The following C4orf36 variants were observed in gnomAD, a reference collection of about 807,000 sequenced individuals.
The protein encoded by C4orf36 is chromosome 4 open reading frame 36, also known as uncharacterized protein C4orf36.
Under a neutral mutation model 12.2 loss-of-function variants are expected in C4orf36, and 11 were observed. The observed-to-expected ratio is 0.90, with a 90% CI of 0.57 to 1.49. C4orf36 has a LOEUF of 1.49. Among genes scored for constraint, C4orf36 ranks in the 40% most tolerant of loss-of-function variants. The pLI is 0.00. For missense variants in C4orf36, 137 were observed against 133.9 expected, an observed-to-expected ratio of 1.02 and a Z score of -0.11; for synonymous variants, 54 against 51.3, an observed-to-expected ratio of 1.05 and a Z score of -0.22.
chr4:86,936,029 C>T, the C4orf36 span: 1 of 152,102 alleles, frequency 6.6e-6, no homozygotes, highest in East Asian at 1.9e-4. Context: ...TGCGACGGGC[C>T]TGCGGGCGGT....
At chr4:86,903,311 A>G in the C4orf36 span, among the ~76,000 whole-genome samples, 35 of 152,226 alleles carry the variant, frequency 2.3e-4, no homozygotes, top group Admixed American at 2.3e-3. Flanking sequence ...AGAGATCGAG[A>G]CCATCCTGGA....
At chr4:86,891,642 T>G (rs1353897072) in intron 1 of C4orf36, 49 bp from the exon 2 acceptor site, 1 of 1,487,776 alleles carries the variant, frequency 6.7e-7, no homozygotes, top group Non-Finnish European at 9.0e-7. Flanking sequence ...GTGAATATTT[T>G]GTAGCCAAAT....
At chr4:86,889,039 G>A (rs1052034587) in intron 2 of C4orf36, among the ~76,000 whole-genome samples, 2 of 152,116 alleles carry the variant, frequency 1.3e-5, no homozygotes, top group African/African-American at 4.8e-5. Context: ...AGTGTCATTC[G>A]TTTAAACAAA....
At chr4:86,891,792 C>T (rs1747426888) in intron 1 of C4orf36, among the ~76,000 whole-genome samples, 199 bp from the exon 2 acceptor site, 1 of 152,134 alleles carries the variant, frequency 6.6e-6, no homozygotes, top group Non-Finnish European at 1.5e-5. Flanking sequence ...GAGAAAATGC[C>T]AGGTAAGTTT....
chr4:86,877,132 T>C (rs970142847), intron 4 of C4orf36, among the ~76,000 whole-genome samples: 2 of 152,178 alleles, frequency 1.3e-5, no homozygotes, highest in African/African-American at 4.8e-5. Flanking sequence ...GTCCAAAACA[T>C]ATGTTGATAC....
the C4orf36 span, among the ~76,000 whole-genome samples, chr4:86,903,225 G>A: frequency 1.3e-5 from 2 of 152,330 alleles, no homozygotes; most frequent in Admixed American, 6.5e-5. Context: ...TGTTGTAAGT[G>A]GCCAGGCCCG....
chr4:86,877,113 CTT>C (rs914210452), intron 4 of C4orf36, among the ~76,000 whole-genome samples: 1 of 152,126 alleles, frequency 6.6e-6, no homozygotes, highest in African/African-American at 2.4e-5. Flanking sequence ...CAGCATGAAT[CTT>C]TTCACAGTCC....
At chr4:86,898,978 C>G in the C4orf36 span, among the ~76,000 whole-genome samples, 1 of 152,116 alleles carries the variant, frequency 6.6e-6, no homozygotes, top group Non-Finnish European at 1.5e-5. Flanking sequence ...GTAATCCCAG[C>G]ACTTTGGGAG....
the C4orf36 span, among the ~76,000 whole-genome samples, chr4:86,922,357 A>G: frequency 6.6e-6 from 1 of 152,260 alleles, no homozygotes; most frequent in Non-Finnish European, 1.5e-5. Flanking sequence ...CATATAGAGC[A>G]TGAATGGATA....
the C4orf36 span, among the ~76,000 whole-genome samples, chr4:86,904,580 C>CAAAAAAAAA: frequency 1.4e-5 from 1 of 70,458 alleles, no homozygotes; most frequent in African/African-American, 5.2e-5. Context: ...GACTCTGTCT[C>CAAAAAAAAA]AAAAAAAAAA....
chr4:86,926,997 C>G, the C4orf36 span, among the ~76,000 whole-genome samples: 1 of 152,140 alleles, frequency 6.6e-6, no homozygotes, highest in African/African-American at 2.4e-5. Context: ...CTATGGCTGC[C>G]TTTGTGCTAT....
At chr4:86,923,129 T>C in the C4orf36 span, among the ~76,000 whole-genome samples, 1 of 151,258 alleles carries the variant, frequency 6.6e-6, no homozygotes, top group Non-Finnish European at 1.5e-5. Context: ...TCTCACTCTG[T>C]TACCCAAGCT....
chr4:86,892,695 G>A (rs1409035816), upstream of C4orf36, among the ~76,000 whole-genome samples: 5 of 152,372 alleles, frequency 3.3e-5, no homozygotes, highest in Middle Eastern at 3.4e-3. Context: ...AATGTACCCA[G>A]TCCTGGCTGC....
the C4orf36 span, among the ~76,000 whole-genome samples, chr4:86,901,707 G>C: frequency 6.6e-6 from 1 of 151,900 alleles, no homozygotes; most frequent in Non-Finnish European, 1.5e-5. Context: ...AACCGCGCCC[G>C]GCCACACACA....
At chr4:86,901,997 C>T in the C4orf36 span, among the ~76,000 whole-genome samples, 3 of 152,268 alleles carry the variant, frequency 2.0e-5, no homozygotes, top group African/African-American at 7.2e-5. Context: ...TAAATCTAAT[C>T]TCTAGTGTAC....
chr4:86,912,273 G>A, the C4orf36 span, among the ~76,000 whole-genome samples: 2 of 152,032 alleles, frequency 1.3e-5, no homozygotes, highest in Non-Finnish European at 2.9e-5. Flanking sequence ...CTCCTGCCTC[G>A]GCCTCCCAAA....
At chr4:86,876,786 T>A in intron 4 of C4orf36, 6 of 1,357,370 alleles carry the variant, frequency 4.4e-6, no homozygotes, top group African/African-American at 1.5e-5. Context: ...AATTTTAAAA[T>A]AAAAAAAAAG....
intron 4 of C4orf36, among the ~76,000 whole-genome samples, chr4:86,877,133 ATGTT>A (rs1369955490): frequency 1.3e-5 from 2 of 152,228 alleles, no homozygotes; most frequent in African/African-American, 4.8e-5. Flanking sequence ...TCCAAAACAT[ATGTT>A]GATACAGCTG....
chr4:86,933,409 C>T, the C4orf36 span: 1 of 152,116 alleles, frequency 6.6e-6, no homozygotes, highest in African/African-American at 2.4e-5. Flanking sequence ...TGAACCAAAG[C>T]TACATCATCT....
Sources: allele counts gnomAD v4.1 joint callset (sites outside exome capture counted in the v4.1 genomes callset), GRCh38; gene constraint gnomAD v4.1.1; transcripts MANE v1.5; gene names NCBI Gene and HGNC (gene_info 2026-07-23, HGNC 2026-07-21).